The following SLC36A3 variants were observed in gnomAD, a reference collection of about 807,000 sequenced individuals.
The protein encoded by SLC36A3 is proton-coupled amino acid transporter 3.
SLC36A3 carries 35 observed loss-of-function variants against 44.3 expected under a neutral mutation model. The ratio of observed to expected loss-of-function variants is 0.79; its 90% CI spans 0.60 to 1.05. The LOEUF is 1.05. Ranked by LOEUF, SLC36A3 falls within the 50% of genes least tolerant of loss-of-function variation. SLC36A3 has a pLI of 0.00. For missense variants in SLC36A3, 540 were observed against 578.7 expected (o/e 0.93, Z 0.69); for synonymous variants, 211 against 227.6 (o/e 0.93, Z 0.66).
chr5:151,287,751 C>T lies in SLC36A3; in HGVS notation c.490-287G>A, dbSNP rs537014758. Among the ~76,000 whole-genome samples, 4 of 152,316 alleles carry T rather than the reference C, an allele frequency of 2.6e-5. No individual in the cohort carries two copies. In the East Asian group the frequency reaches 7.7e-4, roughly 29 times the overall value. ...CTCAAGGCTTTGAGGTTGTTATCTA[C>T]TCAAACCTTTTCTTCTCCACAAAAT... On this transcript the variant is annotated intron_variant, in intron 5 of 9. Transcript: ENST00000335230.
chr5:151,284,042 A>C lies in SLC36A3; in HGVS notation c.974+2T>G. The C allele has an allele frequency of 6.2e-7, 1 of 1,609,678 alleles. No homozygotes were observed. The highest frequency in any genetic ancestry group is 1.7e-4 in the Middle Eastern group (1 of 6,030). On this transcript the variant is annotated splice_donor_variant, in intron 8 of 9. Coordinates refer to ENST00000335230, the MANE Select transcript of SLC36A3 (RefSeq NM_181774.4). LOFTEE classifies it high-confidence loss of function. The stretch of plus-strand genomic sequence containing the variant: ...ATCTCACCTGAGGTGGGCAGGACAT[A>C]CCAGCAATTGGGCAAGTTGAGGGTG...
chr5:151,289,364 G>A (rs1025711181), intron 4 of SLC36A3, among the ~76,000 whole-genome samples: 2 of 151,834 alleles, frequency 1.3e-5, no homozygotes, highest in African/African-American at 4.8e-5. Context: ...ATCTAATGAA[G>A]GTTTGTATAT....
At chr5:151,302,156 C>T (rs1051743159) in intron 1 of SLC36A3, among the ~76,000 whole-genome samples, 1 of 152,196 alleles carries the variant, frequency 6.6e-6, no homozygotes, top group Non-Finnish European at 1.5e-5. Context: ...TACTTTCAGA[C>T]AGCATTTGCC....
Position 151,277,224 on chromosome 5 carries a change from GC to G in SLC36A3, c.*168del, listed in dbSNP as rs1754119929. 5.5e-6 allele frequency: 5 copies of G among 911,274 alleles called. 1 individual carries two copies. The South Asian group carries it at 9.3e-5, about 17-fold the overall frequency. 56.4% of individuals were successfully genotyped at this position (911,274 alleles called of 1,614,324 possible). A position where few individuals can be genotyped will look rare whatever the true frequency, so the allele number is the denominator to read the frequency against. ...AAAATATAAAACCAAAAGAGGTGTA[GC>G]CTGAGAGACATCAGTGCTAACTTTT... On this transcript the variant is annotated 3_prime_UTR_variant, in exon 10 of 10. Transcript: ENST00000335230.
chr5:151,284,531 C>T (rs1158617790), intron 7 of SLC36A3, 82 bp downstream of exon 7: 17 of 1,080,878 alleles, frequency 1.6e-5, no homozygotes, highest in Non-Finnish European at 2.3e-5. Flanking sequence ...TTCATAAATA[C>T]TATTTATTCA....
intron 1 of SLC36A3, among the ~76,000 whole-genome samples, chr5:151,299,394 T>TATATATATATATA (rs58121505): frequency 6.5e-4 from 86 of 132,984 alleles, no homozygotes; most frequent in African/African-American, 2.1e-3. Flanking sequence ...TATATATATA[T>TATATATATATATA]TATATATATA....
Position 151,282,886 on chromosome 5 carries a change from C to CTT in SLC36A3, c.974+1156_974+1157dup, listed in dbSNP as rs11362344. ...TTCTATTATCTTTCTTTCTTTCTTT[C>CTT]TTTTTTTTTTTTTTTGAGACTGAGT... On this transcript the variant is annotated intron_variant, in intron 8 of 9. Coordinates refer to ENST00000335230, the MANE Select transcript of SLC36A3 (RefSeq NM_181774.4). Among the ~76,000 whole-genome samples, 6 of 142,708 alleles carry CTT rather than the reference C, an allele frequency of 4.2e-5. 1 individual carries two copies. The highest frequency in any genetic ancestry group is 1.0e-4 in the African/African-American group (4 of 38,848). The allele number at this position is 142,708 out of a possible 152,430, so 93.6% of individuals were successfully genotyped here.
At chr5:151,299,262 C>CTATA (rs1483618702) in intron 1 of SLC36A3, among the ~76,000 whole-genome samples, 299 of 64,418 alleles carry the variant, frequency 4.6e-3, no homozygotes, top group Admixed American at 8.4e-3. Context: ...CTCTCTCTCT[C>CTATA]TCTATATATA....
At position 151,280,953 on chromosome 5, in the gene SLC36A3, G is replaced by A. The variant is rs1580803346; in HGVS notation, c.1144+61C>T. On this transcript the variant is annotated intron_variant, in intron 9 of 9. Coordinates refer to ENST00000335230, the MANE Select transcript of SLC36A3 (RefSeq NM_181774.4). ...GTGGCAGATCCAATGATGGTGGGGT[G>A]GGCGCCAGCGTGGCTCCCTGTCATA... is the stretch of plus-strand genomic sequence containing the variant. 3 of 1,597,364 alleles carry A rather than the reference G, an allele frequency of 1.9e-6. No homozygotes were observed. In the South Asian group the frequency reaches 3.3e-5, roughly 18 times the overall value.
intron 1 of SLC36A3, 52 bp downstream of exon 1, chr5:151,303,175 C>CA: frequency 6.4e-7 from 1 of 1,573,968 alleles, no homozygotes; most frequent in Non-Finnish European, 8.6e-7. Context: ...TCCAGAGTTG[C>CA]AAAAACAGCA....
At chr5:151,289,607 T>TA (rs1486067092) in intron 4 of SLC36A3, among the ~76,000 whole-genome samples, 1 of 152,206 alleles carries the variant, frequency 6.6e-6, no homozygotes, top group African/African-American at 2.4e-5. Flanking sequence ...TTTATTTTAT[T>TA]TTATTTTTTG....
At chr5:151,290,887 T>TAAG (rs111361255) in intron 4 of SLC36A3, among the ~76,000 whole-genome samples, 3,057 of 151,896 alleles carry the variant, frequency 0.02, 107 homozygotes, top group African/African-American at 0.069. Context: ...AAAATAATAA[T>TAAG]AATAATAATA....
chr5:151,302,148 CT>C lies in SLC36A3; in HGVS notation c.128+1078del, dbSNP rs546045205. Among the ~76,000 whole-genome samples, 26 of 152,342 alleles carry C rather than the reference CT, an allele frequency of 1.7e-4. No homozygotes were observed. In the South Asian group the frequency reaches 5.4e-3, roughly 32 times the overall value. On this transcript the variant is annotated intron_variant, in intron 1 of 9. Coordinates refer to ENST00000335230, the MANE Select transcript of SLC36A3 (RefSeq NM_181774.4). ...TTTGTGTGTGTGCACGAGTTGTATA[CT>C]TTCAGACAGCATTTGCCAAATAAAT... is the stretch of plus-strand genomic sequence containing the variant.
intron 1 of SLC36A3, among the ~76,000 whole-genome samples, chr5:151,299,839 A>G (rs1341060830): frequency 6.6e-6 from 1 of 152,208 alleles, no homozygotes. Context: ...AGAGGTAACA[A>G]CATGATGAAT....
chr5:151,283,187 TCTA>T (rs893744073), intron 8 of SLC36A3, among the ~76,000 whole-genome samples: 2 of 152,228 alleles, frequency 1.3e-5, no homozygotes, highest in Admixed American at 1.3e-4. Flanking sequence ...CCCCTGGCCT[TCTA>T]CTATCTTTCT....
intron 1 of SLC36A3, among the ~76,000 whole-genome samples, chr5:151,299,260 C>CTATATATATATATA (rs1418346991): frequency 1.1e-4 from 7 of 65,466 alleles, no homozygotes; most frequent in Admixed American, 2.1e-4. Flanking sequence ...CTCTCTCTCT[C>CTATATATATATATA]TCTCTATATA....
At chr5:151,283,300 T>C (rs975687424) in intron 8 of SLC36A3, among the ~76,000 whole-genome samples, 1 of 149,748 alleles carries the variant, frequency 6.7e-6, no homozygotes, top group African/African-American at 2.5e-5. Flanking sequence ...TTGGTCTTTT[T>C]CTTATTGGGA....
chr5:151,292,978 C>G (rs6579849), intron 4 of SLC36A3, among the ~76,000 whole-genome samples: 23,820 of 152,048 alleles, frequency 0.16, 2,419 homozygotes, highest in African/African-American at 0.29. Context: ...GAGTGAAACT[C>G]TGTCCCTCCC....
In SLC36A3 at chr5:151,303,663, C is replaced by T. The variant is rs1755241328; in HGVS notation, c.-309G>A. On this transcript the variant is annotated 5_prime_UTR_variant, in exon 1 of 10. Coordinates refer to ENST00000335230, the MANE Select transcript of SLC36A3 (RefSeq NM_181774.4). The stretch of plus-strand genomic sequence containing the variant: ...GACTTGCCTGGGCTTTTGGCCTCTC[C>T]TAGTTTAGCCCTTGCTGCTGTAGGG... The T allele has an allele frequency of 3.5e-6, 1 of 284,174 alleles. No homozygotes were observed. The highest frequency in any genetic ancestry group is 6.6e-6 in the Non-Finnish European group (1 of 150,910). The allele number at this position is 284,174 out of a possible 1,614,324, so 17.6% of individuals were successfully genotyped here. A position where few individuals can be genotyped will look rare whatever the true frequency, so the allele number is the denominator to read the frequency against.
Sources: allele counts gnomAD v4.1 joint callset (sites outside exome capture counted in the v4.1 genomes callset), GRCh38; gene constraint gnomAD v4.1.1; transcripts MANE v1.5; gene names NCBI Gene and HGNC (gene_info 2026-07-23, HGNC 2026-07-21).